The following ZBTB20 variants were observed in gnomAD, a reference collection of about 807,000 sequenced individuals.
The protein encoded by ZBTB20 is zinc finger and BTB domain containing 20.
In ZBTB20, 9 loss-of-function variants were observed where a neutral mutation model predicts 56.9. The observed-to-expected ratio is 0.16, with a 90% CI of 0.10 to 0.28. ZBTB20 has a LOEUF of 0.28. Among genes scored for constraint, ZBTB20 ranks in the 10% least tolerant of loss-of-function variants. The pLI, the probability that ZBTB20 is intolerant of heterozygous loss-of-function variation, is 1.00. For synonymous variants in ZBTB20, 417 were observed against 420.7 expected, an observed-to-expected ratio of 0.99 and a Z score of 0.11; for missense variants, 655 against 1,003.0, an observed-to-expected ratio of 0.65 and a Z score of 4.69.
intron 1 of ZBTB20, among the ~76,000 whole-genome samples, chr3:115,112,814 TCAATAGAGAGATTG>T (rs758396436): frequency 1.6e-4 from 25 of 152,288 alleles, no homozygotes; most frequent in Non-Finnish European, 2.4e-4. Flanking sequence ...AGGGGGATAC[TCAATAGAGAGATTG>T]CAATAGAGAG....
chr3:114,463,888 G>C (rs2092431034), intron 7 of ZBTB20, among the ~76,000 whole-genome samples: 1 of 152,188 alleles, frequency 6.6e-6, no homozygotes, highest in African/African-American at 2.4e-5. Context: ...GTGGTACTCA[G>C]TAAGTCCTCT....
chr3:115,038,243 T>C (rs2081007323), intron 2 of ZBTB20, among the ~76,000 whole-genome samples: 1 of 152,216 alleles, frequency 6.6e-6, no homozygotes, highest in Non-Finnish European at 1.5e-5. Context: ...CAAAATCCAT[T>C]TGTTAGGAAC....
At chr3:114,926,439 T>C (rs1198676201) in intron 3 of ZBTB20, among the ~76,000 whole-genome samples, 1 of 152,208 alleles carries the variant, frequency 6.6e-6, no homozygotes, top group African/African-American at 2.4e-5. Flanking sequence ...TTTTGGAAGT[T>C]TATTTCTCCA....
intron 3 of ZBTB20, among the ~76,000 whole-genome samples, chr3:114,960,199 A>T (rs2077397297): frequency 6.6e-6 from 1 of 152,248 alleles, no homozygotes; most frequent in Admixed American, 6.5e-5. Flanking sequence ...GTTTCATAGC[A>T]ATAACTGTGC....
At chr3:115,024,107 A>G (rs2108314879) in intron 2 of ZBTB20, among the ~76,000 whole-genome samples, 1 of 151,234 alleles carries the variant, frequency 6.6e-6, no homozygotes, top group East Asian at 1.9e-4. Context: ...TGAGAGGACT[A>G]CTGTTGGCAG....
At chr3:114,558,809 C>T (rs1577544829) in intron 6 of ZBTB20, among the ~76,000 whole-genome samples, 1 of 152,156 alleles carries the variant, frequency 6.6e-6, no homozygotes, top group African/African-American at 2.4e-5. Flanking sequence ...CTTCTCTGAA[C>T]ACATCACCAG....
At chr3:114,481,277 A>AAC (rs1274291061) in intron 7 of ZBTB20, among the ~76,000 whole-genome samples, 2 of 151,358 alleles carry the variant, frequency 1.3e-5, no homozygotes, top group Non-Finnish European at 1.5e-5. Context: ...AAAAAAAAAA[A>AAC]AACCTCATTT....
At chr3:114,997,632 A>G (rs2079080303) in intron 2 of ZBTB20, among the ~76,000 whole-genome samples, 1 of 151,864 alleles carries the variant, frequency 6.6e-6, no homozygotes, top group African/African-American at 2.4e-5. Context: ...ACAAAGAGAC[A>G]AAGCATGAAG....
chr3:114,634,598 C>T (rs750482311), intron 6 of ZBTB20, among the ~76,000 whole-genome samples: 19 of 152,142 alleles, frequency 1.2e-4, no homozygotes, highest in Non-Finnish European at 2.5e-4. Context: ...AACCAAAATA[C>T]CTTGCAAATA....
intron 5 of ZBTB20, among the ~76,000 whole-genome samples, chr3:114,787,217 T>C (rs974480099): frequency 1.3e-5 from 2 of 151,166 alleles, no homozygotes; most frequent in Non-Finnish European, 2.9e-5. Context: ...GGCTCAAGCA[T>C]TCCTCCTCCC....
rs1272293377 is a variant in ZBTB20, at chr3:114,388,992, A to T, written c.-154+13T>A. ...AACTAAGAAGCCTTTTATTGGAGAC[A>T]TAATGTACTCACAGTAGTTTCAAAA... On this transcript the variant is annotated intron_variant, in intron 8 of 11. Coordinates refer to ENST00000675478, the MANE Select transcript of ZBTB20 (RefSeq NM_001348800.3). The T allele has an allele frequency of 6.6e-6, 1 of 152,200 alleles. No homozygotes were observed. The highest frequency in any genetic ancestry group is 1.5e-5 in the Non-Finnish European group (1 of 68,048). 9.4% of individuals were successfully genotyped at this position (152,200 alleles called of 1,614,324 possible).
At chr3:114,686,613 G>A (rs906567854) in intron 6 of ZBTB20, among the ~76,000 whole-genome samples, 6 of 152,062 alleles carry the variant, frequency 3.9e-5, no homozygotes, top group South Asian at 4.1e-4. Flanking sequence ...ACATATGCCC[G>A]TTTCTCTTTT....
chr3:114,605,803 AG>A (rs1036186600), intron 6 of ZBTB20, among the ~76,000 whole-genome samples: 4 of 152,142 alleles, frequency 2.6e-5, no homozygotes, highest in African/African-American at 9.7e-5. Context: ...TTGAGAGGAT[AG>A]AAAGGGATTC....
At chr3:115,075,105 T>A (rs1246594702) in intron 1 of ZBTB20, among the ~76,000 whole-genome samples, 2 of 152,164 alleles carry the variant, frequency 1.3e-5, no homozygotes, top group Non-Finnish European at 2.9e-5. Context: ...TACTACATTA[T>A]TTTATGTTAG....
chr3:114,388,292 T>C (rs1264091107), intron 8 of ZBTB20: 6 of 152,270 alleles, frequency 3.9e-5, no homozygotes, highest in Admixed American at 1.3e-4. Flanking sequence ...TCATCTGTTA[T>C]TTCAGCAATG....
chr3:114,777,158 T>G (rs2069667961), intron 5 of ZBTB20, among the ~76,000 whole-genome samples: 1 of 152,200 alleles, frequency 6.6e-6, no homozygotes, highest in Non-Finnish European at 1.5e-5. Flanking sequence ...AAGAAAAATC[T>G]ATTTTTAAGG....
chr3:114,666,095 G>C (rs1377573160), intron 6 of ZBTB20, among the ~76,000 whole-genome samples: 1 of 151,920 alleles, frequency 6.6e-6, no homozygotes, highest in African/African-American at 2.4e-5. Flanking sequence ...TATCATGGCT[G>C]TACATCCAAG....
intron 6 of ZBTB20, among the ~76,000 whole-genome samples, chr3:114,559,104 G>C (rs1394385583): frequency 6.6e-6 from 1 of 152,112 alleles, no homozygotes; most frequent in South Asian, 2.1e-4. Context: ...GAAGGAAGGA[G>C]GACTTTGTGA....
chr3:115,127,230 C>T (rs1000448862), intron 1 of ZBTB20, among the ~76,000 whole-genome samples: 10 of 152,090 alleles, frequency 6.6e-5, no homozygotes, highest in Non-Finnish European at 4.4e-5. Flanking sequence ...AAACGTCAAG[C>T]CTTGTTAATG....
Sources: gnomAD v4.1 joint callset for allele counts (sites outside exome capture counted in the v4.1 genomes callset) on GRCh38, gnomAD v4.1.1 for gene constraint, MANE v1.5 for transcripts, NCBI Gene and HGNC (gene_info 2026-07-23, HGNC 2026-07-21) for gene names.